Variants in TDRD1 observed in about 807,000 individuals in gnomAD.
The protein encoded by TDRD1 is tudor domain containing 1.
Under a neutral mutation model 140.6 loss-of-function variants are expected in TDRD1, and 37 were observed. The ratio of observed to expected loss-of-function variants is 0.26; its 90% CI spans 0.20 to 0.35. The LOEUF is 0.35. TDRD1 is among the 10% of genes least tolerant of loss of function. TDRD1 has a pLI of 1.00. For synonymous variants in TDRD1, 506 were observed against 475.7 expected (o/e 1.06, Z -0.83); for missense variants, 1,243 against 1,393.0 (o/e 0.89, Z 1.71).
chr10:114,182,264 C>T (rs1366528620), intron 1 of TDRD1, among the ~76,000 whole-genome samples: 2 of 152,184 alleles, frequency 1.3e-5, no homozygotes, highest in Non-Finnish European at 2.9e-5. Flanking sequence ...AACACTGCAG[C>T]ACAATTGGCT....
intron 4 of TDRD1, 89 bp from the exon 5 acceptor site, chr10:114,201,321 C>A: frequency 1.9e-6 from 2 of 1,030,148 alleles, no homozygotes; most frequent in Non-Finnish European, 3.0e-6. Flanking sequence ...ATTCTCTTGC[C>A]ATGGCTAATA....
chr10:114,204,064 C>T lies in TDRD1; in HGVS notation c.982-9C>T, dbSNP rs1247031815. On this transcript the variant is annotated splice_polypyrimidine_tract_variant and intron_variant, in intron 8 of 25. Coordinates refer to ENST00000251864, the Ensembl canonical transcript of TDRD1. ...TATGAAGCAGAGTACCATTATATTT[C>T]ACTTTCAGACCTGGAACAGAGCAAT... 3.1e-6 allele frequency: 5 copies of T among 1,596,760 alleles called. No individual in the cohort carries two copies. Among genetic ancestry groups the T allele is most frequent in the South Asian group, 1.1e-5 (1 of 87,300 alleles).
intron 21 of TDRD1, among the ~76,000 whole-genome samples, chr10:114,225,772 A>T (rs933399957): frequency 6.6e-6 from 1 of 151,824 alleles, no homozygotes; most frequent in Non-Finnish European, 1.5e-5. Flanking sequence ...TGAGAGGATC[A>T]CTTGAGTCTG....
intron 25 of TDRD1, among the ~76,000 whole-genome samples, chr10:114,230,979 A>G (rs1472365975): frequency 6.6e-6 from 1 of 152,200 alleles, no homozygotes; most frequent in African/African-American, 2.4e-5. Context: ...AGGCAGGAGA[A>G]TTGCTTGAAC....
chr10:114,226,330 T>C, intron 22 of TDRD1, 114 bp downstream of exon 22: 1 of 649,822 alleles, frequency 1.5e-6, no homozygotes, highest in Non-Finnish European at 2.6e-6. Flanking sequence ...TGCCTTAATG[T>C]TTTTAAATAT....
At chr10:114,178,169 A>T (rs1013914525), upstream of TDRD1, among the ~76,000 whole-genome samples, 2 of 152,034 alleles carry the variant, frequency 1.3e-5, no homozygotes, top group Non-Finnish European at 2.9e-5. Flanking sequence ...TATTCTGTAA[A>T]TCTGAAACTG....
At chr10:114,191,853 A>C (rs79360473) in intron 3 of TDRD1, among the ~76,000 whole-genome samples, 1,616 of 152,312 alleles carry the variant, frequency 0.011, 20 homozygotes, top group African/African-American at 0.037. Context: ...TGAGAGCTTC[A>C]GTTTCTCTGC....
chr10:114,179,963 C>G (rs1027028356), intron 1 of TDRD1: 2 of 152,206 alleles, frequency 1.3e-5, no homozygotes, highest in African/African-American at 4.8e-5. Flanking sequence ...CAGCACGGTG[C>G]TGTATGCTTA....
At position 114,228,832 on chromosome 10, in the gene TDRD1, C is replaced by T. The variant is rs112384425; in HGVS notation, c.3538+707C>T. 2.4e-3 allele frequency: 2,331 copies of T among 973,400 alleles called. 36 individuals are homozygous for T. In the African/African-American group the frequency reaches 0.039, roughly 16 times the overall value. 60.3% of individuals were successfully genotyped at this position (973,400 alleles called of 1,614,324 possible). A position where few individuals can be genotyped will look rare whatever the true frequency, so the allele number is the denominator to read the frequency against. On this transcript the variant is annotated intron_variant, in intron 25 of 25. Coordinates refer to ENST00000251864, the Ensembl canonical transcript of TDRD1. Reference sequence around the variant, plus strand: ...GGGGTGGTGGCTCACGCCTGTAATCCCAGCACTTTGGGAGGCTGAGGCGGG... The same window carrying T: ...GGGGTGGTGGCTCACGCCTGTAATCTCAGCACTTTGGGAGGCTGAGGCGGG...
intron 3 of TDRD1, among the ~76,000 whole-genome samples, chr10:114,192,706 A>G (rs1328707960): frequency 6.6e-6 from 1 of 152,176 alleles, no homozygotes; most frequent in Non-Finnish European, 1.5e-5. Context: ...CCATCTGTTG[A>G]AAATTCTCTT....
intron 3 of TDRD1, among the ~76,000 whole-genome samples, chr10:114,192,385 C>G (rs1427293364): frequency 7.0e-6 from 1 of 142,320 alleles, no homozygotes; most frequent in African/African-American, 2.6e-5. Flanking sequence ...CTCACTGCAA[C>G]CTCCGCCTCC....
exon 12 of TDRD1, chr10:114,210,744 T>A: frequency 6.2e-7 from 1 of 1,609,274 alleles, no homozygotes; most frequent in Middle Eastern, 1.7e-4. Context: ...AACTGCAAAG[T>A]GGCCGTAAGT....
rs575936979 is a variant in TDRD1, at chr10:114,213,649, T to C, written c.2074+61T>C. 40 of 1,446,188 alleles carry C rather than the reference T, an allele frequency of 2.8e-5. No homozygotes were observed. The African/African-American group carries it at 4.6e-4, about 16-fold the overall frequency. The allele number at this position is 1,446,188 out of a possible 1,614,324, so 89.6% of individuals were successfully genotyped here. On this transcript the variant is annotated intron_variant, in intron 15 of 25. Transcript: ENST00000251864. ...GAGTTCAGATGGTTCTATAAATAAA[T>C]AGTTTCTTGTACTTATAAAAAGAAT...
At chr10:114,196,871 A>C (rs1450020268) in intron 3 of TDRD1, among the ~76,000 whole-genome samples, 1 of 78,502 alleles carries the variant, frequency 1.3e-5, no homozygotes, top group Non-Finnish European at 2.4e-5. Context: ...TTTGAGACAG[A>C]ATTTGGCTCT....
chr10:114,185,732 C>T (rs953827729), intron 1 of TDRD1, among the ~76,000 whole-genome samples: 8 of 151,710 alleles, frequency 5.3e-5, no homozygotes, highest in East Asian at 2.0e-4. Flanking sequence ...GGATTACAGG[C>T]GTACACCACC....
exon 15 of TDRD1, chr10:114,213,493 A>G (rs769751509): frequency 3.7e-6 from 6 of 1,614,046 alleles, no homozygotes; most frequent in Middle Eastern, 1.7e-4. Context: ...GAGACGCCTC[A>G]TGTCAGTGTT....
intron 1 of TDRD1, among the ~76,000 whole-genome samples, chr10:114,186,792 G>T (rs1007585596): frequency 6.6e-6 from 1 of 152,010 alleles, no homozygotes. Context: ...GTATATTTTT[G>T]TTTTTATTTC....
intron 25 of TDRD1, among the ~76,000 whole-genome samples, chr10:114,229,436 T>A (rs2036625579): frequency 6.6e-6 from 1 of 152,210 alleles, no homozygotes; most frequent in South Asian, 2.1e-4. Flanking sequence ...TCAACTATCT[T>A]GACTCTCATG....
chr10:114,176,727 CTG>C (rs1196783724), upstream of TDRD1, among the ~76,000 whole-genome samples: 2 of 152,154 alleles, frequency 1.3e-5, no homozygotes, highest in Non-Finnish European at 2.9e-5. This position sits in a 1 kb window ranked among gnomAD's most constrained non-coding sequence, Gnocchi z 4.2. Flanking sequence ...TGAACTATGA[CTG>C]TGCCACTGCA....
Sources: allele counts gnomAD v4.1 joint callset (sites outside exome capture counted in the v4.1 genomes callset), GRCh38; gene constraint gnomAD v4.1.1; non-coding constraint Gnocchi (gnomAD v3.1); transcripts MANE v1.5; gene names NCBI Gene and HGNC (gene_info 2026-07-23, HGNC 2026-07-21).